The following RGS6 variants were observed in gnomAD, a reference collection of about 807,000 sequenced individuals.
The protein encoded by RGS6 is regulator of G-protein signaling 6.
A neutral mutation model predicts 78.5 loss-of-function variants in RGS6; 30 were observed. The observed-to-expected ratio is 0.38, with a 90% CI of 0.29 to 0.52. The LOEUF is 0.52. RGS6 is among the 20% of genes least tolerant of loss of function. The pLI is 0.85. For missense variants in RGS6, 495 were observed against 609.7 expected (o/e 0.81, Z 1.98); for synonymous variants, 206 against 206.0 (o/e 1.00, Z 0.00).
In RGS6 at chr14:72,536,230, C is replaced by T. The variant is rs1242970835; in HGVS notation, c.1323C>T (p.Phe441=). The T allele has an allele frequency of 6.2e-7, 1 of 1,614,036 alleles. No homozygotes were observed. Among genetic ancestry groups the T allele is most frequent in the Non-Finnish European group, 8.5e-7 (1 of 1,179,914 alleles). Residue 441 remains phenylalanine, a synonymous_variant, in exon 16 of 18, where the codon TTC becomes TTT. Transcript: ENST00000553525. ...TGAAGAGTGACAGCTATGCCCGCTT[C>T]CTCCGGTCAAATGCTTACCAGGATT... ...KLMKSDSYAR[F]LRSNAYQDLL... is the part of the protein sequence containing the mutation.
At chr14:72,619,854 T>C in the RGS6 span, 25 of 1,472,460 alleles carry the variant, frequency 1.7e-5, no homozygotes, top group African/African-American at 9.8e-5. Flanking sequence ...TAAGTGCTAG[T>C]AGTAGTAGTA....
chr14:72,001,471 A>AAC (rs3053057), intron 2 of RGS6, among the ~76,000 whole-genome samples: 3,223 of 145,962 alleles, frequency 0.022, 45 homozygotes, highest in Non-Finnish European at 0.03. Flanking sequence ...ATAAAAACAG[A>AAC]ACACACACAC....
At chr14:72,394,995 C>T (rs1017878206) in intron 3 of RGS6, among the ~76,000 whole-genome samples, 20 of 152,186 alleles carry the variant, frequency 1.3e-4, no homozygotes, top group Non-Finnish European at 2.4e-4. Context: ...CAACCGGTCC[C>T]TCCGTTTGGG....
At chr14:71,915,957 G>A in the RGS6 span, among the ~76,000 whole-genome samples, 12 of 152,300 alleles carry the variant, frequency 7.9e-5, no homozygotes, top group East Asian at 1.9e-4. Context: ...GAATGTGGCC[G>A]TCTGCAAGCC....
At chr14:72,354,166 A>G (rs2079725021) in intron 3 of RGS6, among the ~76,000 whole-genome samples, 1 of 152,186 alleles carries the variant, frequency 6.6e-6, no homozygotes, top group African/African-American at 2.4e-5. Context: ...TCAGGCTGCT[A>G]GAACAAAGCA....
intron 2 of RGS6, among the ~76,000 whole-genome samples, chr14:72,266,874 G>A (rs2059146441): frequency 6.6e-6 from 1 of 152,194 alleles, no homozygotes; most frequent in Non-Finnish European, 1.5e-5. Flanking sequence ...ATCCTGCGGT[G>A]CAGCACCTCA....
intron 12 of RGS6, among the ~76,000 whole-genome samples, chr14:72,482,561 C>T (rs968163800): frequency 1.3e-5 from 2 of 152,300 alleles, no homozygotes; most frequent in South Asian, 2.1e-4. Flanking sequence ...TATGGGTTGG[C>T]GAGGCAGCTC....
chr14:72,013,777 A>G (rs903852381), intron 2 of RGS6, among the ~76,000 whole-genome samples: 11 of 143,748 alleles, frequency 7.7e-5, no homozygotes. Context: ...ACAATTGACA[A>G]TGAAATTATT....
chr14:72,370,696 A>G (rs887531817), intron 3 of RGS6, among the ~76,000 whole-genome samples: 1 of 152,230 alleles, frequency 6.6e-6, no homozygotes, highest in Admixed American at 6.5e-5. Context: ...CAGTACCTGC[A>G]AGAGACTACC....
chr14:72,603,091 A>AT, the RGS6 span, among the ~76,000 whole-genome samples: 185 of 152,198 alleles, frequency 1.2e-3, no homozygotes, highest in Non-Finnish European at 8.4e-4. Flanking sequence ...CTAATAATGT[A>AT]TTTTTTTCAG....
intron 2 of RGS6, among the ~76,000 whole-genome samples, chr14:72,221,053 G>T (rs1449402135): frequency 6.6e-6 from 1 of 152,124 alleles, no homozygotes; most frequent in Non-Finnish European, 1.5e-5. Context: ...CTTCTAAGAG[G>T]ATGCCAGTTC....
At chr14:72,067,364 C>T (rs898496720) in intron 2 of RGS6, among the ~76,000 whole-genome samples, 4 of 152,018 alleles carry the variant, frequency 2.6e-5, no homozygotes, top group African/African-American at 7.3e-5. Flanking sequence ...CTAATGCATG[C>T]GGGGCTTAAA....
chr14:72,147,258 C>T lies in RGS6; in HGVS notation c.84+182383C>T, dbSNP rs573960112. On this transcript the variant is annotated intron_variant, in intron 2 of 17. Transcript: ENST00000553525. ...TATTACTAAATTCCAAAGCTTCTTC[C>T]GTGTTTTCAGGTATTTGTTACTGTA... is the stretch of plus-strand genomic sequence containing the variant. 5.1e-4 allele frequency among the ~76,000 whole-genome samples: 78 copies of T among 152,304 alleles called. 1 individual carries two copies. The highest frequency in any genetic ancestry group is 1.8e-3 in the African/African-American group (74 of 41,564).
the RGS6 span, among the ~76,000 whole-genome samples, chr14:71,875,703 C>G: frequency 1.7e-3 from 264 of 152,210 alleles, no homozygotes; most frequent in African/African-American, 6.2e-3. Context: ...AATGTGTTTG[C>G]TCTTGCTTCT....
intron 2 of RGS6, among the ~76,000 whole-genome samples, chr14:72,004,188 A>G (rs111319311): frequency 5.4e-4 from 82 of 152,084 alleles, no homozygotes; most frequent in African/African-American, 1.9e-3. Flanking sequence ...AAATGCCTGG[A>G]CTTTGGATTG....
intron 2 of RGS6, among the ~76,000 whole-genome samples, chr14:72,100,331 C>A (rs2095501631): frequency 6.6e-6 from 1 of 152,046 alleles, no homozygotes; most frequent in African/African-American, 2.4e-5. Flanking sequence ...ATGGTGAAAC[C>A]TCCTCTCTCC....
At chr14:71,948,736 C>CT (rs1566889959) in intron 1 of RGS6, among the ~76,000 whole-genome samples, 3 of 53,882 alleles carry the variant, frequency 5.6e-5, no homozygotes, top group African/African-American at 2.3e-4. Context: ...TTCTCTCTCT[C>CT]TCTCTTTTTT....
In RGS6 at chr14:72,027,217, A is replaced by AAGAG. The variant is rs57652090; in HGVS notation, c.84+62357_84+62360dup. Reference sequence around the variant, plus strand: ...AGGGAAGGACTATGTCCTCTGCTTTAAGAGAGAGAGAGAGAGAGTGTGTGT... The same window carrying AAGAG: ...AGGGAAGGACTATGTCCTCTGCTTTAAGAGAGAGAGAGAGAGAGAGAGTGTGTGT... On this transcript the variant is annotated intron_variant, in intron 2 of 17. Coordinates refer to ENST00000553525, the MANE Select transcript of RGS6 (RefSeq NM_001204424.2). Among the ~76,000 whole-genome samples, 430 of 149,036 alleles carry AAGAG rather than the reference A, an allele frequency of 2.9e-3. 1 individual carries two copies. Among genetic ancestry groups the AAGAG allele is most frequent in the African/African-American group, 7.4e-3 (302 of 40,546 alleles).
intron 2 of RGS6, among the ~76,000 whole-genome samples, chr14:72,178,452 T>A (rs1382969512): frequency 1.2e-4 from 19 of 152,248 alleles, no homozygotes; most frequent in Non-Finnish European, 2.9e-5. Flanking sequence ...CTCCTTGAGT[T>A]CCAGTTCGCT....
Sources: gnomAD v4.1 joint callset for allele counts (sites outside exome capture counted in the v4.1 genomes callset) on GRCh38, gnomAD v4.1.1 for gene constraint, MANE v1.5 for transcripts, NCBI Gene and HGNC (gene_info 2026-07-23, HGNC 2026-07-21) for gene names.